Variants in FANK1 observed in about 807,000 individuals in gnomAD.
The protein encoded by FANK1 is fibronectin type 3 and ankyrin repeat domains protein 1.
A neutral mutation model predicts 45.3 loss-of-function variants in FANK1; 44 were observed. That is an observed-to-expected ratio of 0.97 (90% CI 0.76 to 1.25). The LOEUF is 1.25. Among genes scored for constraint, FANK1 ranks in the 50% most tolerant of loss-of-function variants. The pLI, the probability that FANK1 is intolerant of heterozygous loss-of-function variation, is 0.00. For missense variants in FANK1, 391 were observed against 424.4 expected, an observed-to-expected ratio of 0.92 and a Z score of 0.69; for synonymous variants, 149 against 152.5, an observed-to-expected ratio of 0.98 and a Z score of 0.17.
intron 1 of FANK1, among the ~76,000 whole-genome samples, chr10:125,942,925 T>C (rs1441111423): frequency 1.3e-5 from 2 of 151,444 alleles, no homozygotes; most frequent in Non-Finnish European, 2.9e-5. Flanking sequence ...GCAATTCTCC[T>C]GCCTCAGCCT....
chr10:125,920,824 AT>A (rs957638856), intron 1 of FANK1, among the ~76,000 whole-genome samples: 73 of 151,820 alleles, frequency 4.8e-4, no homozygotes, highest in African/African-American at 1.6e-3. Flanking sequence ...TCAGTTTCTA[AT>A]TTTTTTTAAA....
intron 1 of FANK1, among the ~76,000 whole-genome samples, chr10:125,969,280 T>G (rs769212437): frequency 1.3e-5 from 2 of 151,784 alleles, no homozygotes; most frequent in Non-Finnish European, 2.9e-5. Context: ...TTAGAAAAGT[T>G]AAAATAAAAT....
chr10:125,963,243 C>T (rs987397175), intron 1 of FANK1, among the ~76,000 whole-genome samples: 2 of 152,150 alleles, frequency 1.3e-5, no homozygotes, highest in Non-Finnish European at 2.9e-5. Context: ...CTCGGTCTCC[C>T]GAAGTGTTGG....
intron 1 of FANK1, among the ~76,000 whole-genome samples, chr10:125,918,679 T>G (rs2134126182): frequency 6.8e-6 from 1 of 146,834 alleles, no homozygotes; most frequent in East Asian, 2.0e-4. Context: ...TATTAAATGC[T>G]AAGTGCTTTA....
At position 125,951,084 on chromosome 10, in the gene FANK1, G is replaced by A. The variant is rs576216268; in HGVS notation, c.14-29077G>A. ...CAGGAAGGGGAATATCACACTCTGGGGACTGTGGTGGGGTGGGGGGAGGGG... is the reference window on the plus strand; with the variant it reads ...CAGGAAGGGGAATATCACACTCTGGAGACTGTGGTGGGGTGGGGGGAGGGG... On this transcript the variant is annotated intron_variant, in intron 1 of 10. Coordinates refer to ENST00000368693, the MANE Select transcript of FANK1 (RefSeq NM_145235.5). 2.0e-3 allele frequency among the ~76,000 whole-genome samples: 246 copies of A among 122,248 alleles called. 1 individual carries two copies. Among genetic ancestry groups the A allele is most frequent in the African/African-American group, 6.9e-3 (224 of 32,686 alleles). The allele number at this position is 122,248 out of a possible 152,430, so 80.2% of individuals were successfully genotyped here.
intron 1 of FANK1, among the ~76,000 whole-genome samples, chr10:125,905,160 C>T (rs10450507): frequency 2.1e-3 from 28 of 13,398 alleles, no homozygotes; most frequent in Non-Finnish European, 3.2e-3. Flanking sequence ...ACAAAAAAAA[C>T]GTTTCTGTAG....
intron 1 of FANK1, among the ~76,000 whole-genome samples, chr10:125,951,236 TA>T (rs71029275): frequency 0.18 from 23,443 of 131,312 alleles, 2,151 homozygotes; most frequent in Admixed American, 0.35. Context: ...ACTTAAAGTA[TA>T]AAAAAAAAAA....
intron 1 of FANK1, among the ~76,000 whole-genome samples, chr10:125,911,478 G>T (rs1000759892): frequency 1.1e-4 from 17 of 152,244 alleles, no homozygotes; most frequent in Non-Finnish European, 2.1e-4. Flanking sequence ...ACTTAGAAGA[G>T]CTGTTTTTAC....
At chr10:125,898,609 T>A (rs1944772619) in intron 1 of FANK1, among the ~76,000 whole-genome samples, 1 of 151,500 alleles carries the variant, frequency 6.6e-6, no homozygotes, top group Non-Finnish European at 1.5e-5. Flanking sequence ...AGTAAAGCTG[T>A]AGCTAAGGAG....
At chr10:126,001,102 G>A (rs1257212999) in intron 6 of FANK1, among the ~76,000 whole-genome samples, 5 of 152,154 alleles carry the variant, frequency 3.3e-5, no homozygotes, top group Non-Finnish European at 5.9e-5. Context: ...CCACATCCAT[G>A]GACACAGTGA....
At chr10:125,958,162 A>G (rs539911867) in intron 1 of FANK1, among the ~76,000 whole-genome samples, 229 of 152,202 alleles carry the variant, frequency 1.5e-3, no homozygotes, top group Non-Finnish European at 2.0e-3. Context: ...ATCTAGCTGT[A>G]ATTTTGTATC....
chr10:125,911,239 G>A (rs1307918194), intron 1 of FANK1, among the ~76,000 whole-genome samples: 2 of 152,156 alleles, frequency 1.3e-5, no homozygotes, highest in Non-Finnish European at 1.5e-5. Context: ...AGATGGAAGT[G>A]GTGGTTGCAG....
intron 1 of FANK1, among the ~76,000 whole-genome samples, chr10:125,949,303 C>G (rs1160885428): frequency 6.6e-6 from 1 of 150,776 alleles, no homozygotes. Flanking sequence ...AAAGGGTATT[C>G]AATTAGGAAA....
At chr10:125,951,464 A>T (rs1382853097) in intron 1 of FANK1, among the ~76,000 whole-genome samples, 1 of 152,184 alleles carries the variant, frequency 6.6e-6, no homozygotes, top group Non-Finnish European at 1.5e-5. Context: ...ACAGGCAAGG[A>T]TGAAAGTTCA....
chr10:125,911,247 C>T (rs1202678458), intron 1 of FANK1, among the ~76,000 whole-genome samples: 1 of 152,010 alleles, frequency 6.6e-6, no homozygotes, highest in African/African-American at 2.4e-5. Flanking sequence ...GTGGTGGTTG[C>T]AGTGATACAC....
intron 1 of FANK1, chr10:125,974,880 G>T (rs1437254151): frequency 2.0e-5 from 3 of 151,986 alleles, no homozygotes; most frequent in African/African-American, 7.3e-5. Flanking sequence ...AGGTTTGGGG[G>T]TACGTGTGAA....
At chr10:125,988,346 A>G (rs73370555) in intron 2 of FANK1, among the ~76,000 whole-genome samples, 3,247 of 152,306 alleles carry the variant, frequency 0.021, 128 homozygotes, top group African/African-American at 0.072. Context: ...ACTAGGCCCT[A>G]TGGGACAGAG....
At chr10:125,923,531 T>C (rs1947098476) in intron 1 of FANK1, among the ~76,000 whole-genome samples, 1 of 152,020 alleles carries the variant, frequency 6.6e-6, no homozygotes, top group Admixed American at 6.5e-5. Context: ...TTTTACATTA[T>C]GAATTTGTTT....
At chr10:125,950,184 A>G (rs946121380) in intron 1 of FANK1, among the ~76,000 whole-genome samples, 2 of 150,886 alleles carry the variant, frequency 1.3e-5, no homozygotes, top group African/African-American at 4.9e-5. Context: ...CCTAGGCATT[A>G]CCATTCAGGA....
Sources: gnomAD v4.1 joint callset for allele counts (sites outside exome capture counted in the v4.1 genomes callset) on GRCh38, gnomAD v4.1.1 for gene constraint, MANE v1.5 for transcripts, NCBI Gene and HGNC (gene_info 2026-07-23, HGNC 2026-07-21) for gene names.